KCNK3: variants seen among roughly 807,000 people sequenced by gnomAD.
The protein encoded by KCNK3 is potassium two pore domain channel subfamily K member 3, also known as potassium channel subfamily K member 3.
Under a neutral mutation model 27.3 loss-of-function variants are expected in KCNK3, and 9 were observed. The observed-to-expected ratio is 0.33, with a 90% CI of 0.20 to 0.57. KCNK3 has a LOEUF of 0.57. Among genes scored for constraint, KCNK3 ranks in the 20% least tolerant of loss-of-function variants. The pLI is 0.87. For missense variants in KCNK3, 391 were observed against 577.7 expected, an observed-to-expected ratio of 0.68 and a Z score of 3.31; for synonymous variants, 278 against 273.8, an observed-to-expected ratio of 1.02 and a Z score of -0.15.
At chr2:26,697,516 C>G (rs1670250319) in intron 1 of KCNK3, among the ~76,000 whole-genome samples, 2 of 152,174 alleles carry the variant, frequency 1.3e-5, no homozygotes, top group African/African-American at 4.8e-5. Context: ...TTTTCCCCAG[C>G]AAAGCCCTCC....
intron 1 of KCNK3, among the ~76,000 whole-genome samples, chr2:26,710,722 G>A (rs1169102856): frequency 2.6e-5 from 4 of 152,128 alleles, no homozygotes; most frequent in Admixed American, 6.5e-5. Context: ...TAAGGCCTTG[G>A]GATTCTGAGG....
intron 1 of KCNK3, among the ~76,000 whole-genome samples, chr2:26,723,272 C>A (rs911962369): frequency 6.6e-6 from 1 of 152,246 alleles, no homozygotes; most frequent in Admixed American, 6.5e-5. Flanking sequence ...TCCCACACCA[C>A]CATCCCCACC....
Position 26,715,765 on chromosome 2 carries a change from CA to C in KCNK3, c.284-11901del, listed in dbSNP as rs1663220093. On this transcript the variant is annotated intron_variant, in intron 1 of 1. Transcript: ENST00000302909. ...CGCTTCAGCTGGGGAATGTTACAAT[CA>C]GAGCTGGGCTGGCCAGGCCGGCCCC... Among the ~76,000 whole-genome samples the C allele has an allele frequency of 5.3e-5, 8 of 152,314 alleles. 1 individual carries two copies. The South Asian group carries it at 1.7e-3, about 32-fold the overall frequency.
chr2:26,724,997 C>T (rs540421874), intron 1 of KCNK3, among the ~76,000 whole-genome samples: 1 of 152,088 alleles, frequency 6.6e-6, no homozygotes, highest in South Asian at 2.1e-4. Context: ...CTCCTTGAAG[C>T]TGGGCGCTTT....
chr2:26,727,160 G>C (rs2148037900), intron 1 of KCNK3, among the ~76,000 whole-genome samples: 1 of 152,218 alleles, frequency 6.6e-6, no homozygotes, highest in African/African-American at 2.4e-5. Context: ...ATCACAGGAT[G>C]TCAGAAACCA....
rs573854657 is a variant in KCNK3, at chr2:26,693,281, C to A, written c.283+123C>A. 4.1e-6 allele frequency: 4 copies of A among 987,114 alleles called. No individual in the cohort carries two copies. Among genetic ancestry groups the A allele is most frequent in the East Asian group, 6.3e-5 (2 of 31,540 alleles). 61.1% of individuals were successfully genotyped at this position (987,114 alleles called of 1,614,324 possible). A position where few individuals can be genotyped will look rare whatever the true frequency, so the allele number is the denominator to read the frequency against. ...GAGAGGGGCTGGGCGCCGAACCCTG[C>A]GCTCGCAGAAACCCGAGTTCAGCCT... On this transcript the variant is annotated intron_variant, in intron 1 of 1. Transcript: ENST00000302909. The surrounding 1 kb of genome is among the most constrained non-coding windows in gnomAD (Gnocchi z 5.5).
intron 1 of KCNK3, among the ~76,000 whole-genome samples, chr2:26,723,240 G>T (rs1333290944): frequency 6.6e-6 from 1 of 152,142 alleles, no homozygotes; most frequent in African/African-American, 2.4e-5. Flanking sequence ...CCAGTAAAAG[G>T]GAGGACCAGA....
Position 26,693,032 on chromosome 2 carries a change from A to C in KCNK3, c.157A>C (p.Asn53His). The C allele has an allele frequency of 6.3e-7, 1 of 1,593,806 alleles. No homozygotes were observed. The highest frequency in any genetic ancestry group is 8.5e-7 in the Non-Finnish European group (1 of 1,174,858). The change falls in exon 1 of 2, where the codon AAC becomes CAC. Residue 53 changes from asparagine (N) to histidine (H), a missense_variant. Coordinates refer to ENST00000302909, the MANE Select transcript of KCNK3 (RefSeq NM_002246.3). The surrounding 1 kb of genome is among the most constrained non-coding windows in gnomAD (Gnocchi z 5.5). The part of the protein sequence containing the change: ...LRQQELRARY[N>H]LSQGGYEELE... ...GCAGCAGGAGCTGCGGGCGCGCTAC[A>C]ACCTCAGCCAGGGCGGCTACGAGGA...
intron 1 of KCNK3, among the ~76,000 whole-genome samples, chr2:26,695,432 C>G (rs1334763747): frequency 6.6e-6 from 1 of 152,190 alleles, no homozygotes. Context: ...AGGTCCAGCT[C>G]AAATCCCCCC....
chr2:26,695,253 T>TCTGTCTCACC (rs1267575402), intron 1 of KCNK3, among the ~76,000 whole-genome samples: 2 of 152,172 alleles, frequency 1.3e-5, no homozygotes, highest in Non-Finnish European at 2.9e-5. Flanking sequence ...AGAGTCTCAC[T>TCTGTCTCACC]CTGTCTCACC....
chr2:26,727,420 G>T (rs1053226867), intron 1 of KCNK3, among the ~76,000 whole-genome samples: 2 of 151,440 alleles, frequency 1.3e-5, no homozygotes, highest in Admixed American at 1.3e-4. Context: ...CTCCCAAGCC[G>T]TGTGACCTTG....
At chr2:26,698,195 G>A (rs999903255) in intron 1 of KCNK3, among the ~76,000 whole-genome samples, 1 of 152,124 alleles carries the variant, frequency 6.6e-6, no homozygotes, top group African/African-American at 2.4e-5. Context: ...ACTTTCCAAG[G>A]TGAAGGAAGG....
intron 1 of KCNK3, among the ~76,000 whole-genome samples, chr2:26,706,383 A>G (rs1210208384): frequency 6.6e-6 from 1 of 152,026 alleles, no homozygotes. Context: ...TTTAGCTCTC[A>G]CTGCCTGCTC....
rs1188385089 is a variant in KCNK3 at position 26,721,129 on chromosome 2, A to G, written c.284-6538A>G. Among the ~76,000 whole-genome samples the G allele has an allele frequency of 6.6e-6, 1 of 152,072 alleles. No individual in the cohort carries two copies. Among genetic ancestry groups the G allele is most frequent in the East Asian group, 1.9e-4 (1 of 5,176 alleles). On this transcript the variant is annotated intron_variant, in intron 1 of 1. Coordinates refer to ENST00000302909, the MANE Select transcript of KCNK3 (RefSeq NM_002246.3). The surrounding 1 kb of genome is among the most constrained non-coding windows in gnomAD (Gnocchi z 4.3). ...ATCCCAGACCTCAGAGTCCTTCAGAACTGGAGCCTCTGGGTTCTGCAGCCC... is the reference window on the plus strand; with the variant it reads ...ATCCCAGACCTCAGAGTCCTTCAGAGCTGGAGCCTCTGGGTTCTGCAGCCC...
At chr2:26,720,091 C>T (rs376962610) in intron 1 of KCNK3, among the ~76,000 whole-genome samples, 34 of 152,218 alleles carry the variant, frequency 2.2e-4, no homozygotes, top group African/African-American at 6.7e-4. Context: ...GGTGCAACCC[C>T]GTCTCTACTA....
intron 1 of KCNK3, among the ~76,000 whole-genome samples, chr2:26,718,560 A>T (rs1453901038): frequency 6.6e-6 from 1 of 152,164 alleles, no homozygotes; most frequent in Non-Finnish European, 1.5e-5. Flanking sequence ...GCTTTAGAAT[A>T]TTTCCTTACA....
At chr2:26,720,566 T>C (rs1663310153) in intron 1 of KCNK3, among the ~76,000 whole-genome samples, 1 of 151,942 alleles carries the variant, frequency 6.6e-6, no homozygotes. Flanking sequence ...GATGGGGGCT[T>C]TGGGGGTTTG....
chr2:26,699,179 G>GAA (rs1456684346), intron 1 of KCNK3, among the ~76,000 whole-genome samples: 1 of 57,398 alleles, frequency 1.7e-5, no homozygotes, highest in African/African-American at 8.7e-5. Flanking sequence ...CTCCGTCTCA[G>GAA]AAAAAAAAAA....
intron 1 of KCNK3, among the ~76,000 whole-genome samples, chr2:26,701,425 C>G (rs965564019): frequency 6.6e-6 from 1 of 152,042 alleles, no homozygotes; most frequent in African/African-American, 2.4e-5. Context: ...AAGGGCTTGC[C>G]CCATGAGGAG....
Sources: allele counts gnomAD v4.1 joint callset (sites outside exome capture counted in the v4.1 genomes callset), GRCh38; gene constraint gnomAD v4.1.1; non-coding constraint Gnocchi (gnomAD v3.1); transcripts MANE v1.5; gene names NCBI Gene and HGNC (gene_info 2026-07-23, HGNC 2026-07-21).